The following PDGFRA variants were observed in gnomAD, a reference collection of about 807,000 sequenced individuals.
PDGFRA encodes platelet-derived growth factor receptor alpha.
Under a neutral mutation model 121.5 loss-of-function variants are expected in PDGFRA, and 25 were observed. The ratio of observed to expected loss-of-function variants is 0.21; its 90% CI spans 0.15 to 0.29. The LOEUF (loss-of-function observed/expected upper bound fraction) is 0.29, where lower values mean the gene tolerates loss of function less well. Among genes scored for constraint, PDGFRA ranks in the 10% least tolerant of loss-of-function variants. PDGFRA has a pLI of 1.00. For synonymous variants in PDGFRA, 463 were observed against 494.8 expected (o/e 0.94, Z 0.85); for missense variants, 1,008 against 1,345.1 (o/e 0.75, Z 3.92).
chr4:54,257,398 A>C (rs1262421525), intron 1 of PDGFRA, among the ~76,000 whole-genome samples: 1 of 152,108 alleles, frequency 6.6e-6, no homozygotes, highest in East Asian at 1.9e-4. Flanking sequence ...ACCCTTTTTT[A>C]TTCCTTTATT....
At chr4:54,267,209 C>T (rs1473044868) in intron 5 of PDGFRA, 80 bp from the exon 6 acceptor site, 6 of 1,328,320 alleles carry the variant, frequency 4.5e-6, no homozygotes, top group Non-Finnish European at 6.5e-6. Flanking sequence ...TCCATATCAT[C>T]CAGAGTCCAT....
intron 1 of PDGFRA, among the ~76,000 whole-genome samples, chr4:54,257,388 A>G (rs981198108): frequency 9.2e-5 from 14 of 152,126 alleles, no homozygotes; most frequent in African/African-American, 2.4e-4. Context: ...TGGAGTAGCC[A>G]CCCTTTTTTA....
chr4:54,264,100 A>G, intron 4 of PDGFRA, 173 bp downstream of exon 4: 1 of 633,770 alleles, frequency 1.6e-6, no homozygotes, highest in Non-Finnish European at 2.7e-6. Context: ...TAAGCTTAAA[A>G]TTACTAAAGG....
intron 1 of PDGFRA, among the ~76,000 whole-genome samples, chr4:54,256,339 G>T (rs750174596): frequency 6.6e-6 from 1 of 151,966 alleles, no homozygotes; most frequent in Non-Finnish European, 1.5e-5. Context: ...GGGTTCAAGC[G>T]ATTCTCCTGT....
chr4:54,281,580 G>C, intron 16 of PDGFRA: 1 of 1,348,368 alleles, frequency 7.4e-7, no homozygotes, highest in Non-Finnish European at 9.8e-7. Flanking sequence ...TTGCTTCCCA[G>C]GCTGGGCTGG....
Position 54,261,302 on chromosome 4 carries a change from A to C in PDGFRA, c.257A>C (p.Glu86Ala), listed in dbSNP as rs773726970. ...AGCGGCCTTTTTGTGACGGTCTTGG[A>C]AGTGAGCAGTGCCTCGGCGGCCCAC... ...NNSGLFVTVL[E>A]VSSASAAHTG... The change falls in exon 3 of 23, where the codon GAA (glutamate) becomes GCA (alanine). Residue 86 changes from glutamate to alanine, a missense_variant. By Grantham distance (107) the Glu-to-Ala change is moderately radical. Coordinates refer to ENST00000257290, the MANE Select transcript of PDGFRA (RefSeq NM_006206.6). 3.7e-6 allele frequency: 6 copies of C among 1,613,972 alleles called. No individual in the cohort carries two copies. The highest frequency in any genetic ancestry group is 5.1e-6 in the Non-Finnish European group (6 of 1,180,002).
At position 54,277,765 on chromosome 4, in the gene PDGFRA, A is replaced by G. The variant is rs370070635; in HGVS notation, c.1892-131A>G. ...TTATTAGCACTGAGGCCAAGTAGCTATCTGCTTCTTTTAGACTTCTGGTAA... is the reference window on the plus strand; with the variant it reads ...TTATTAGCACTGAGGCCAAGTAGCTGTCTGCTTCTTTTAGACTTCTGGTAA... On this transcript the variant is annotated intron_variant, in intron 13 of 22. Transcript: ENST00000257290. 5.5e-5 allele frequency: 40 copies of G among 732,090 alleles called. 1 individual carries two copies. The highest frequency in any genetic ancestry group is 1.2e-4 in the Admixed American group (6 of 49,818). The allele number at this position is 732,090 out of a possible 1,614,324, so 45.3% of individuals were successfully genotyped here.
At chr4:54,254,312 G>A (rs530612847) in intron 1 of PDGFRA, among the ~76,000 whole-genome samples, 2 of 152,284 alleles carry the variant, frequency 1.3e-5, no homozygotes, top group Admixed American at 6.5e-5. Context: ...TTCTACCCAG[G>A]GAACCGCTGT....
chr4:54,293,831 C>T (rs544624368), intron 22 of PDGFRA, among the ~76,000 whole-genome samples: 59 of 151,956 alleles, frequency 3.9e-4, no homozygotes, highest in African/African-American at 1.1e-3. Flanking sequence ...CCCAGTTCTC[C>T]GCTGTCTTTG....
At chr4:54,277,624 G>A in intron 13 of PDGFRA, 132 bp downstream of exon 13, 3 of 734,074 alleles carry the variant, frequency 4.1e-6, no homozygotes, top group South Asian at 3.0e-5. Flanking sequence ...TTTGACTCCA[G>A]GTTTTATGTG....
chr4:54,238,495 A>G (rs1440083072), intron 1 of PDGFRA, among the ~76,000 whole-genome samples: 2 of 152,190 alleles, frequency 1.3e-5, no homozygotes, highest in East Asian at 1.9e-4. Flanking sequence ...ACTCCATTGT[A>G]TGAGTTAGCA....
At chr4:54,247,401 A>C (rs1207085052) in intron 1 of PDGFRA, among the ~76,000 whole-genome samples, 2 of 152,244 alleles carry the variant, frequency 1.3e-5, no homozygotes, top group African/African-American at 4.8e-5. Flanking sequence ...CCTGGGATGC[A>C]AGGCTGGTTC....
rs1187957560 is a variant in PDGFRA at position 54,263,722 on chromosome 4, G to T, written c.423G>T (p.Glu141Asp). ...LGMTDYLVIVEDDDSAIIPCR... is the reference protein window; with the variant it reads ...LGMTDYLVIVDDDDSAIIPCR... Reference sequence around the variant, plus strand: ...TGACGGATTATTTAGTCATCGTGGAGGATGATGATTCTGCCATTATACCTT... The same window carrying T: ...TGACGGATTATTTAGTCATCGTGGATGATGATGATTCTGCCATTATACCTT... The change falls in exon 4 of 23, where the codon GAG (glutamate) becomes GAT (aspartate). Residue 141 changes from glutamate to aspartate, a missense_variant. This residue lies in a region of PDGFRA where 575 missense variants were observed against 701.8 expected (regional missense o/e 0.82). Coordinates refer to ENST00000257290, the MANE Select transcript of PDGFRA (RefSeq NM_006206.6). 1 of 1,613,562 alleles carries T rather than the reference G, an allele frequency of 6.2e-7. No homozygotes were observed. Among genetic ancestry groups the T allele is most frequent in the Non-Finnish European group, 8.5e-7 (1 of 1,179,626 alleles).
intron 12 of PDGFRA, among the ~76,000 whole-genome samples, chr4:54,276,229 C>A (rs1723713246): frequency 6.6e-6 from 1 of 152,010 alleles, no homozygotes; most frequent in Non-Finnish European, 1.5e-5. Flanking sequence ...TCACCCCCTA[C>A]CCACCAAATC....
At chr4:54,267,497 T>C in intron 6 of PDGFRA, 37 bp downstream of exon 6, 1 of 1,613,804 alleles carries the variant, frequency 6.2e-7, no homozygotes, top group Non-Finnish European at 8.5e-7. Flanking sequence ...TTGTCCATGC[T>C]GCTCGGGATC....
intron 5 of PDGFRA, among the ~76,000 whole-genome samples, chr4:54,266,248 T>C (rs1365068318): frequency 6.6e-6 from 1 of 152,202 alleles, no homozygotes; most frequent in Non-Finnish European, 1.5e-5. Context: ...TTTCATACAG[T>C]ATGTTTTTTC....
chr4:54,293,667 G>A (rs1231107153), intron 22 of PDGFRA, among the ~76,000 whole-genome samples: 1 of 152,140 alleles, frequency 6.6e-6, no homozygotes, highest in African/African-American at 2.4e-5. Context: ...CTGACCTCAA[G>A]TGATCTGCCG....
At chr4:54,291,365 C>G (rs891992001) in intron 22 of PDGFRA, among the ~76,000 whole-genome samples, 3 of 152,202 alleles carry the variant, frequency 2.0e-5, no homozygotes, top group Admixed American at 2.0e-4. Flanking sequence ...ATGCCGTTAT[C>G]TCACCCAAAA....
chr4:54,243,994 G>T (rs931774384), intron 1 of PDGFRA, among the ~76,000 whole-genome samples: 7 of 152,358 alleles, frequency 4.6e-5, no homozygotes, highest in Admixed American at 4.6e-4. Flanking sequence ...AAACTGCAAG[G>T]CAGCAGCGAG....
Sources: allele counts gnomAD v4.1 joint callset (sites outside exome capture counted in the v4.1 genomes callset), GRCh38; gene constraint gnomAD v4.1.1; regional missense constraint gnomAD v4.1.1; transcripts MANE v1.5; gene names NCBI Gene and HGNC (gene_info 2026-07-23, HGNC 2026-07-21).